ATAD2B: variants seen among roughly 807,000 people sequenced by gnomAD.
The protein encoded by ATAD2B is ATPase family AAA domain-containing protein 2B.
Under a neutral mutation model 167.6 loss-of-function variants are expected in ATAD2B, and 40 were observed. The observed-to-expected ratio is 0.24, with a 90% CI of 0.19 to 0.31. ATAD2B has a LOEUF of 0.31. Among genes scored for constraint, ATAD2B ranks in the 10% least tolerant of loss-of-function variants. ATAD2B has a pLI of 1.00. For missense variants in ATAD2B, 1,242 were observed against 1,757.2 expected (o/e 0.71, Z 5.24); for synonymous variants, 579 against 596.5 (o/e 0.97, Z 0.43).
chr2:23,684,321 GAAAA>G, the ATAD2B span: 3 of 1,130,194 alleles, frequency 2.7e-6, no homozygotes, highest in Admixed American at 3.8e-5. This position sits in a 1 kb window ranked among gnomAD's most constrained non-coding sequence, Gnocchi z 4.4. Flanking sequence ...CTTGAAAAAA[GAAAA>G]AAAACTTTTT....
intron 22 of ATAD2B, among the ~76,000 whole-genome samples, chr2:23,776,447 C>T (rs148681006): frequency 6.6e-6 from 1 of 152,326 alleles, no homozygotes; most frequent in African/African-American, 2.4e-5. Context: ...GTGTCTTAAC[C>T]ATCTGTGTAT....
chr2:23,713,269 T>C, the ATAD2B span, among the ~76,000 whole-genome samples: 149 of 152,394 alleles, frequency 9.8e-4, no homozygotes, highest in African/African-American at 3.4e-3. Context: ...TTTACGTTCC[T>C]GTTAGTACAA....
intron 1 of ATAD2B, among the ~76,000 whole-genome samples, chr2:23,917,156 T>C (rs1703159727): frequency 6.6e-6 from 1 of 152,240 alleles, no homozygotes; most frequent in Non-Finnish European, 1.5e-5. Flanking sequence ...GTGTAGTAGC[T>C]GCTCGATATT....
At chr2:23,868,001 G>T in intron 9 of ATAD2B, 55 bp from the exon 10 acceptor site, 1 of 1,163,258 alleles carries the variant, frequency 8.6e-7, no homozygotes, top group Non-Finnish European at 1.3e-6. Context: ...CATTTTTAAT[G>T]TCAAAATAAG....
the ATAD2B span, among the ~76,000 whole-genome samples, chr2:23,682,537 G>A: frequency 6.6e-6 from 1 of 152,174 alleles, no homozygotes; most frequent in Admixed American, 6.5e-5. The surrounding 1 kb of genome is among the most constrained non-coding windows in gnomAD (Gnocchi z 4.1). Context: ...ATCCCCTGTG[G>A]CTCCCTGGTG....
intron 19 of ATAD2B, among the ~76,000 whole-genome samples, chr2:23,792,780 G>A (rs1681960524): frequency 6.6e-6 from 1 of 151,622 alleles, no homozygotes; most frequent in South Asian, 2.1e-4. Context: ...GGCTAACACA[G>A]TGAAATCCCT....
intron 23 of ATAD2B, among the ~76,000 whole-genome samples, chr2:23,765,067 T>A (rs973544558): frequency 6.6e-6 from 1 of 152,200 alleles, no homozygotes; most frequent in Non-Finnish European, 1.5e-5. Context: ...ATAAACTGAA[T>A]TGACAAACCA....
the ATAD2B span, among the ~76,000 whole-genome samples, chr2:23,724,993 A>T: frequency 7.1e-5 from 10 of 140,532 alleles, no homozygotes; most frequent in South Asian, 1.7e-3. Flanking sequence ...CAGTGAGCCG[A>T]GATCTCGCCA....
intron 4 of ATAD2B, among the ~76,000 whole-genome samples, chr2:23,886,691 G>C (rs572014154): frequency 2.6e-4 from 39 of 152,260 alleles, no homozygotes; most frequent in Non-Finnish European, 3.8e-4. Flanking sequence ...TAGCACTTTG[G>C]GAGGCAGAGG....
intron 19 of ATAD2B, among the ~76,000 whole-genome samples, chr2:23,792,348 AC>A (rs1205631677): frequency 1.3e-5 from 2 of 151,766 alleles, no homozygotes; most frequent in Admixed American, 6.6e-5. Flanking sequence ...CACCTGGCCA[AC>A]CTTTTTGTTT....
chr2:23,874,831 C>A (rs555998465), intron 8 of ATAD2B, among the ~76,000 whole-genome samples: 3 of 151,612 alleles, frequency 2.0e-5, no homozygotes, highest in African/African-American at 4.8e-5. Flanking sequence ...CCAAGGCAGG[C>A]GGATCAGGAG....
At chr2:23,681,574 G>A in the ATAD2B span, among the ~76,000 whole-genome samples, 9 of 152,280 alleles carry the variant, frequency 5.9e-5, no homozygotes, top group African/African-American at 2.2e-4. The surrounding 1 kb of genome is among the most constrained non-coding windows in gnomAD (Gnocchi z 4.2). Context: ...GCAGGCATGT[G>A]GGGCCACATC....
intron 1 of ATAD2B, among the ~76,000 whole-genome samples, chr2:23,918,894 A>G (rs1703465922): frequency 6.6e-6 from 1 of 152,268 alleles, no homozygotes; most frequent in Admixed American, 6.5e-5. Flanking sequence ...TTCCTCAGCT[A>G]TAAAATGCGA....
At chr2:23,736,456 G>C in the ATAD2B span, among the ~76,000 whole-genome samples, 2 of 152,142 alleles carry the variant, frequency 1.3e-5, no homozygotes, top group African/African-American at 4.8e-5. Flanking sequence ...AGGAAAAAGA[G>C]ACTATGCAAG....
intron 22 of ATAD2B, among the ~76,000 whole-genome samples, chr2:23,774,837 T>C (rs1056444478): frequency 1.3e-5 from 2 of 152,134 alleles, no homozygotes; most frequent in African/African-American, 2.4e-5. Flanking sequence ...GAGGCGGGGA[T>C]TGCAGTGAGC....
chr2:23,818,480 G>A (rs1478156184), intron 17 of ATAD2B, among the ~76,000 whole-genome samples: 1 of 151,602 alleles, frequency 6.6e-6, no homozygotes, highest in African/African-American at 2.4e-5. Context: ...GAAAGGATCT[G>A]GAGAAGAAGA....
the ATAD2B span, among the ~76,000 whole-genome samples, chr2:23,680,095 G>C: frequency 6.6e-6 from 1 of 152,200 alleles, no homozygotes; most frequent in Admixed American, 6.5e-5. This position sits in a 1 kb window ranked among gnomAD's most constrained non-coding sequence, Gnocchi z 4.1. Flanking sequence ...GTGGCCTGGA[G>C]GGGGACAGGC....
chr2:23,901,988 C>G (rs1348324093), intron 1 of ATAD2B, among the ~76,000 whole-genome samples: 1 of 152,036 alleles, frequency 6.6e-6, no homozygotes, highest in Non-Finnish European at 1.5e-5. Context: ...TATTTATTGG[C>G]CATTTGCATA....
intron 24 of ATAD2B, 76 bp downstream of exon 24, chr2:23,762,133 T>A (rs1676823515): frequency 6.7e-7 from 1 of 1,481,696 alleles, no homozygotes; most frequent in South Asian, 1.3e-5. Context: ...GCACTTTGTT[T>A]TGTACCCAAT....
Sources: allele counts gnomAD v4.1 joint callset (sites outside exome capture counted in the v4.1 genomes callset), GRCh38; gene constraint gnomAD v4.1.1; non-coding constraint Gnocchi (gnomAD v3.1); transcripts MANE v1.5; gene names NCBI Gene and HGNC (gene_info 2026-07-23, HGNC 2026-07-21).